Variants in SORCS1 observed in about 807,000 individuals in gnomAD.
The protein encoded by SORCS1 is sortilin related VPS10 domain containing receptor 1.
Under a neutral mutation model 146.1 loss-of-function variants are expected in SORCS1, and 60 were observed. The ratio of observed to expected loss-of-function variants is 0.41; its 90% CI spans 0.33 to 0.51. SORCS1 has a LOEUF of 0.51. SORCS1 is among the 20% of genes least tolerant of loss of function. The pLI is 0.21. For synonymous variants in SORCS1, 637 were observed against 584.0 expected, an observed-to-expected ratio of 1.09 and a Z score of -1.31; for missense variants, 1,352 against 1,487.6, an observed-to-expected ratio of 0.91 and a Z score of 1.50.
At chr10:107,088,109 G>A (rs1163379201) in intron 1 of SORCS1, among the ~76,000 whole-genome samples, 3 of 73,120 alleles carry the variant, frequency 4.1e-5, no homozygotes, top group Non-Finnish European at 9.4e-5. Flanking sequence ...TACTAGAGAC[G>A]GGGTTTCACC....
intron 9 of SORCS1, among the ~76,000 whole-genome samples, chr10:106,697,283 T>C (rs1283106745): frequency 6.6e-6 from 1 of 151,870 alleles, no homozygotes; most frequent in Non-Finnish European, 1.5e-5. Context: ...GCCAATATGG[T>C]GAAACTCCGT....
chr10:106,844,570 T>C (rs930211370), intron 2 of SORCS1, among the ~76,000 whole-genome samples: 1 of 151,908 alleles, frequency 6.6e-6, no homozygotes, highest in Non-Finnish European at 1.5e-5. Context: ...ATTTCTTTTT[T>C]TTTTTAATTA....
chr10:106,645,498 T>C (rs1849362088), intron 18 of SORCS1, among the ~76,000 whole-genome samples: 2 of 152,214 alleles, frequency 1.3e-5, no homozygotes, highest in South Asian at 4.1e-4. Flanking sequence ...CAGCCTATTA[T>C]TAGTCTTTTA....
At chr10:106,961,951 C>G (rs1165710122) in intron 1 of SORCS1, among the ~76,000 whole-genome samples, 1 of 152,210 alleles carries the variant, frequency 6.6e-6, no homozygotes, top group Non-Finnish European at 1.5e-5. Context: ...TCAGCTCACT[C>G]TTGAATTCTT....
intron 3 of SORCS1, among the ~76,000 whole-genome samples, chr10:106,814,941 T>C (rs1474909264): frequency 8.0e-6 from 1 of 124,574 alleles, no homozygotes; most frequent in Non-Finnish European, 1.7e-5. Context: ...AAAAAGGTGG[T>C]CTTATATTCT....
chr10:106,598,236 A>ATATTAT (rs10579142), intron 23 of SORCS1, among the ~76,000 whole-genome samples: 9,728 of 140,346 alleles, frequency 0.069, 376 homozygotes, highest in African/African-American at 0.09. Flanking sequence ...CACTCCTATT[A>ATATTAT]TATTATTATT....
At chr10:106,607,379 G>A in intron 22 of SORCS1, 82 bp from the exon 23 acceptor site, 1 of 1,553,300 alleles carries the variant, frequency 6.4e-7, no homozygotes, top group East Asian at 2.3e-5. Flanking sequence ...GGGGGGATCA[G>A]GGGTAGGCAG....
At chr10:106,694,516 G>T (rs1232266339) in intron 9 of SORCS1, among the ~76,000 whole-genome samples, 2 of 152,112 alleles carry the variant, frequency 1.3e-5, no homozygotes, top group Non-Finnish European at 2.9e-5. Context: ...TAAAGTGCTG[G>T]GATTACAAGC....
At chr10:106,769,500 A>C (rs1859840839) in intron 4 of SORCS1, among the ~76,000 whole-genome samples, 1 of 151,482 alleles carries the variant, frequency 6.6e-6, no homozygotes, top group Non-Finnish European at 1.5e-5. Context: ...AAAAAAAAAA[A>C]AGAAAGAAAG....
intron 1 of SORCS1, among the ~76,000 whole-genome samples, chr10:106,976,325 G>GTTTTTTTTTTTTT (rs1554901295): frequency 1.1e-5 from 1 of 90,486 alleles, no homozygotes; most frequent in African/African-American, 5.9e-5. Flanking sequence ...CATCATCTAG[G>GTTTTTTTTTTTTT]TTTTTTTGTT....
At chr10:107,081,391 A>G (rs537463841) in intron 1 of SORCS1, among the ~76,000 whole-genome samples, 2 of 152,338 alleles carry the variant, frequency 1.3e-5, no homozygotes, top group South Asian at 4.1e-4. Flanking sequence ...TGCTTTTTAT[A>G]TATGATGTGA....
chr10:106,789,733 C>T (rs1320894298), intron 3 of SORCS1, among the ~76,000 whole-genome samples: 1 of 152,234 alleles, frequency 6.6e-6, no homozygotes, highest in African/African-American at 2.4e-5. Flanking sequence ...CTAACCTCTG[C>T]CTGTTATGCA....
Position 107,164,233 on chromosome 10 carries a change from G to C in SORCS1, c.294C>G (p.Ser98=). 1 of 1,607,738 alleles carries C rather than the reference G, an allele frequency of 6.2e-7. No homozygotes were observed. Among genetic ancestry groups the C allele is most frequent in the Non-Finnish European group, 8.5e-7 (1 of 1,179,798 alleles). ...SLERARGTGA[S]MAVAARSGRR... ...GGCCGGAGCGTGCAGCAACCGCCAT[G>C]GATGCCCCAGTGCCCCGAGCCCGCT... The change falls in exon 1 of 26, where the codon TCC becomes TCG. Residue 98 remains serine (S), a synonymous_variant. Coordinates refer to ENST00000263054, the MANE Select transcript of SORCS1 (RefSeq NM_052918.5). The surrounding 1 kb of genome is among the most constrained non-coding windows in gnomAD (Gnocchi z 6.8).
chr10:107,176,873 G>C, the SORCS1 span, among the ~76,000 whole-genome samples: 11,472 of 151,884 alleles, frequency 0.076, 472 homozygotes, highest in African/African-American at 0.11. Flanking sequence ...ATTAGGTCAA[G>C]TTTGTTAATT....
chr10:107,038,525 A>G (rs1959014371), intron 1 of SORCS1, among the ~76,000 whole-genome samples: 1 of 152,190 alleles, frequency 6.6e-6, no homozygotes, highest in Non-Finnish European at 1.5e-5. Context: ...ACGTACCCTA[A>G]AACTTAAAGT....
intron 1 of SORCS1, among the ~76,000 whole-genome samples, chr10:106,972,584 T>TGG (rs112558443): frequency 1.3e-5 from 2 of 151,222 alleles, no homozygotes; most frequent in Admixed American, 6.6e-5. Context: ...ATCAGCTAGG[T>TGG]GGGGGGGCTG....
At chr10:106,727,584 C>T (rs563388181) in intron 6 of SORCS1, among the ~76,000 whole-genome samples, 8 of 151,676 alleles carry the variant, frequency 5.3e-5, no homozygotes, top group East Asian at 3.9e-4. Flanking sequence ...AGACTGGTGG[C>T]GAGAAACGGT....
At position 106,730,905 on chromosome 10, in the gene SORCS1, T is replaced by C. The variant is rs796672658; in HGVS notation, c.960-791A>G. Among the ~76,000 whole-genome samples the C allele has an allele frequency of 3.3e-5, 5 of 152,184 alleles. No individual in the cohort carries two copies. The South Asian group carries it at 6.2e-4, about 19-fold the overall frequency. ...TCAGGCTTTGCAGAACTTTAATTTA[T>C]TCCATTTCTACACAGAAAACAGCGA... On this transcript the variant is annotated intron_variant, in intron 5 of 25. Coordinates refer to ENST00000263054, the MANE Select transcript of SORCS1 (RefSeq NM_052918.5).
chr10:107,045,586 G>A lies in SORCS1; in HGVS notation c.559-89006C>T, dbSNP rs1166759755. On this transcript the variant is annotated intron_variant, in intron 1 of 25. Transcript: ENST00000263054. ...CCAATTCTCCACAGAAAGGGAAAAG[G>A]GTCAACCTATCCATTAGGCAGAGTT... 2.6e-5 allele frequency among the ~76,000 whole-genome samples: 4 copies of A among 152,150 alleles called. No homozygotes were observed. The East Asian group carries it at 5.8e-4, about 22-fold the overall frequency.
Sources: allele counts gnomAD v4.1 joint callset (sites outside exome capture counted in the v4.1 genomes callset), GRCh38; gene constraint gnomAD v4.1.1; non-coding constraint Gnocchi (gnomAD v3.1); transcripts MANE v1.5; gene names NCBI Gene and HGNC (gene_info 2026-07-23, HGNC 2026-07-21).